The following CROCC2 variants were observed in gnomAD, a reference collection of about 807,000 sequenced individuals.
CROCC2 encodes ciliary rootlet coiled-coil protein 2.
Under a neutral mutation model 177.6 loss-of-function variants are expected in CROCC2, and 163 were observed. The ratio of observed to expected loss-of-function variants is 0.92; its 90% CI spans 0.81 to 1.05. The LOEUF (loss-of-function observed/expected upper bound fraction) is 1.05, where lower values mean the gene tolerates loss of function less well. Among genes scored for constraint, CROCC2 ranks in the 50% least tolerant of loss-of-function variants. The pLI, the probability that CROCC2 is intolerant of heterozygous loss-of-function variation, is 0.00. For missense variants in CROCC2, 1,929 were observed against 1,797.8 expected, an observed-to-expected ratio of 1.07 and a Z score of -1.32; for synonymous variants, 904 against 787.3, an observed-to-expected ratio of 1.15 and a Z score of -2.48.
At position 240,964,623 on chromosome 2, in the gene CROCC2, CAGGT is replaced by C; in HGVS notation, c.3465+2_3465+5del. 1 of 1,548,474 alleles carries C rather than the reference CAGGT, an allele frequency of 6.5e-7. No homozygotes were observed. The highest frequency in any genetic ancestry group is 8.7e-7 in the Non-Finnish European group (1 of 1,146,068). Reference sequence around the variant, plus strand: ...TCAGGAGCTCCGGGAACTCCACAGACAGGTAGGGCGGCAGGGAGGGGTCAACATC... The same window carrying C: ...TCAGGAGCTCCGGGAACTCCACAGACAGGGCGGCAGGGAGGGGTCAACATC... On this transcript the variant is annotated splice_donor_variant and coding_sequence_variant, in exon 22 of 32. Coordinates refer to ENST00000690015, the MANE Select transcript of CROCC2 (RefSeq NM_001351305.2). LOFTEE classifies it high-confidence loss of function.
intron 20 of CROCC2, among the ~76,000 whole-genome samples, chr2:240,962,272 C>T (rs2059647494): frequency 6.7e-6 from 1 of 149,044 alleles, no homozygotes; most frequent in African/African-American, 2.5e-5. Context: ...GATGGCTGTT[C>T]TCATGAGGCA....
chr2:240,987,204 C>T (rs73107878), intron 28 of CROCC2, among the ~76,000 whole-genome samples: 8,682 of 151,994 alleles, frequency 0.057, 844 homozygotes, highest in African/African-American at 0.2. Context: ...CAGCACTGCC[C>T]GGGGACGCAG....
intron 3 of CROCC2, 63 bp from the exon 4 acceptor site, chr2:240,922,476 C>T: frequency 4.7e-6 from 3 of 640,786 alleles, no homozygotes; most frequent in Admixed American, 2.3e-5. Flanking sequence ...GCCCAAGATG[C>T]CCCAGCCCCT....
In CROCC2 at chr2:240,919,082, G is replaced by C. The variant is rs13034831; in HGVS notation, c.229+206G>C. ...GGGACGGTCCTGGGCCCGGGGCTGG[G>C]CAAGGTGATGGCGTGGGGGACGGTC... On this transcript the variant is annotated intron_variant, in intron 2 of 31. Transcript: ENST00000690015. 7.3e-3 allele frequency among the ~76,000 whole-genome samples: 132 copies of C among 18,008 alleles called. 1 individual carries two copies. In the Middle Eastern group the frequency reaches 0.12, roughly 16 times the overall value. 11.8% of individuals were successfully genotyped at this position (18,008 alleles called of 152,430 possible). A position where few individuals can be genotyped will look rare whatever the true frequency, so the allele number is the denominator to read the frequency against.
rs1048041823 is a variant in CROCC2 at position 240,949,085 on chromosome 2, C to T, written c.2470C>T (p.Gln824Ter). ...EEARSAGLAR[Q>*]ALQVEMEQLQ... Reference sequence around the variant, plus strand: ...AGCCCGGAGCGCAGGACTCGCGCGGCAGGCCTTGCAAGGTGCTCCAAGGGC... The same window carrying T: ...AGCCCGGAGCGCAGGACTCGCGCGGTAGGCCTTGCAAGGTGCTCCAAGGGC... The change falls in exon 16 of 32, where the codon CAG (glutamine) becomes TAG (stop). Residue 824 changes from glutamine (Q) to a stop codon, truncating the protein, a stop_gained. Transcript: ENST00000690015. LOFTEE classifies it high-confidence loss of function. This position sits in a 1 kb window ranked among gnomAD's most constrained non-coding sequence, Gnocchi z 4.5. 1.3e-6 allele frequency: 2 copies of T among 1,543,016 alleles called. No homozygotes were observed. Among genetic ancestry groups the T allele is most frequent in the Non-Finnish European group, 8.7e-7 (1 of 1,144,404 alleles).
At chr2:240,964,852 C>T (rs982730526) in intron 22 of CROCC2, among the ~76,000 whole-genome samples, 2 of 152,130 alleles carry the variant, frequency 1.3e-5, no homozygotes, top group African/African-American at 2.4e-5. Flanking sequence ...AATGCTTTAG[C>T]GAGGAGGAAG....
chr2:240,931,838 G>A (rs1017280956), intron 7 of CROCC2, among the ~76,000 whole-genome samples: 5 of 152,240 alleles, frequency 3.3e-5, no homozygotes, highest in Non-Finnish European at 7.3e-5. Flanking sequence ...GGACATGGGG[G>A]CCCAACGGTG....
rs540454342 is a variant in CROCC2, at chr2:240,982,839, C to T, written c.4402-41C>T. The T allele has an allele frequency of 4.5e-4, 686 of 1,524,788 alleles. 5 individuals carry two copies. In the South Asian group the frequency reaches 8.1e-3, roughly 18 times the overall value. The allele number at this position is 1,524,788 out of a possible 1,614,324, so 94.5% of individuals were successfully genotyped here. ...GGGTTTCCCTGCAGGGCCTCCCACCCCCAGTGTCTCCAGGTGGACCCTGTG... is the reference window on the plus strand; with the variant it reads ...GGGTTTCCCTGCAGGGCCTCCCACCTCCAGTGTCTCCAGGTGGACCCTGTG... On this transcript the variant is annotated intron_variant, in intron 27 of 31. Coordinates refer to ENST00000690015, the MANE Select transcript of CROCC2 (RefSeq NM_001351305.2). The surrounding 1 kb of genome is among the most constrained non-coding windows in gnomAD (Gnocchi z 4.7).
rs184273009 is a variant in CROCC2, at chr2:240,968,352, G to A, written c.4401+90G>A. ...CACCCTGCAGGGAGGCCACAGGGCC[G>A]GGAGGTGGGAGAGAGGGGTCTGCAA... is the stretch of plus-strand genomic sequence containing the variant. On this transcript the variant is annotated intron_variant, in intron 27 of 31. Coordinates refer to ENST00000690015, the MANE Select transcript of CROCC2 (RefSeq NM_001351305.2). 2.1e-4 allele frequency: 287 copies of A among 1,391,340 alleles called. 1 individual carries two copies. In the East Asian group the frequency reaches 5.9e-3, roughly 29 times the overall value. 86.2% of individuals were successfully genotyped at this position (1,391,340 alleles called of 1,614,324 possible). A position where few individuals can be genotyped will look rare whatever the true frequency, so the allele number is the denominator to read the frequency against.
intron 28 of CROCC2, chr2:240,983,699 G>A: frequency 8.8e-7 from 1 of 1,134,620 alleles, no homozygotes; most frequent in Non-Finnish European, 1.2e-6. Context: ...CCGGCGGGGT[G>A]GCACTAAGCT....
chr2:240,938,802 A>AT (rs1270689334), intron 14 of CROCC2, among the ~76,000 whole-genome samples: 3 of 152,056 alleles, frequency 2.0e-5, no homozygotes, highest in African/African-American at 7.2e-5. Flanking sequence ...TTAATTCTAG[A>AT]TTTTTATATC....
chr2:240,929,606 C>A, intron 5 of CROCC2: 2 of 451,960 alleles, frequency 4.4e-6, no homozygotes, highest in Admixed American at 2.4e-5. Context: ...GAACTGGGTA[C>A]CCAGTGCTAG....
intron 18 of CROCC2, chr2:240,955,356 A>G (rs1354216685): frequency 6.4e-6 from 1 of 155,914 alleles, no homozygotes; most frequent in Non-Finnish European, 1.4e-5. Context: ...TTTGACAGGC[A>G]TTGCTTCCAC....
Position 240,991,196 on chromosome 2 carries a change from G to A in CROCC2, c.4864G>A (p.Val1622Met), listed in dbSNP as rs1444896479. ...QQQVKVLEEQ[V>M]ASLKEQLDQE... ...ACCTGAGCCACTGTCCTGTCCCCAG[G>A]TGGCCAGCCTGAAGGAGCAACTGGA... is the stretch of plus-strand genomic sequence containing the variant. The change falls in exon 31 of 32, where the codon GTG becomes ATG. Residue 1622 changes from valine (V) to methionine (M), a missense_variant and splice_region_variant. Coordinates refer to ENST00000690015, the MANE Select transcript of CROCC2 (RefSeq NM_001351305.2). 27 of 1,544,906 alleles carry A rather than the reference G, an allele frequency of 1.7e-5. No individual in the cohort carries two copies. The highest frequency in any genetic ancestry group is 2.4e-5 in the South Asian group (2 of 82,568).
At chr2:240,963,812 A>G in intron 21 of CROCC2, 39 bp downstream of exon 21, 1 of 1,536,976 alleles carries the variant, frequency 6.5e-7, no homozygotes, top group Non-Finnish European at 8.8e-7. Context: ...GGTGCCCTGC[A>G]GCCTGCTGCC....
chr2:240,985,603 C>CAT (rs2059833630), intron 28 of CROCC2, among the ~76,000 whole-genome samples: 2 of 133,670 alleles, frequency 1.5e-5, no homozygotes, highest in Admixed American at 1.5e-4. Flanking sequence ...ACTCACTCCA[C>CAT]ACACACCCAG....
intron 20 of CROCC2, among the ~76,000 whole-genome samples, chr2:240,963,006 A>G (rs1397825485): frequency 6.6e-6 from 1 of 152,158 alleles, no homozygotes. Context: ...CAACGGGGGA[A>G]GGAAGGCCAA....
At chr2:240,935,751 G>A (rs1289319307) in intron 14 of CROCC2, among the ~76,000 whole-genome samples, 163 bp downstream of exon 14, 2 of 151,430 alleles carry the variant, frequency 1.3e-5, no homozygotes, top group East Asian at 3.9e-4. Flanking sequence ...GTGGGGGTGG[G>A]GGCAGGGGGA....
intron 18 of CROCC2, among the ~76,000 whole-genome samples, chr2:240,954,017 T>G (rs1196093848): frequency 1.3e-5 from 2 of 152,152 alleles, no homozygotes; most frequent in African/African-American, 2.4e-5. Flanking sequence ...CCCCAACCCT[T>G]GCAGACCTTA....
Sources: allele counts gnomAD v4.1 joint callset (sites outside exome capture counted in the v4.1 genomes callset), GRCh38; gene constraint gnomAD v4.1.1; non-coding constraint Gnocchi (gnomAD v3.1); transcripts MANE v1.5; gene names NCBI Gene and HGNC (gene_info 2026-07-23, HGNC 2026-07-21).